The following HCN1 variants were observed in gnomAD, a reference collection of about 807,000 sequenced individuals.
HCN1 encodes the protein hyperpolarization activated cyclic nucleotide gated potassium channel 1.
HCN1 carries 13 observed loss-of-function variants against 78.9 expected under a neutral mutation model. The observed-to-expected ratio is 0.16, with a 90% CI of 0.11 to 0.26. The LOEUF (loss-of-function observed/expected upper bound fraction) is 0.26, where lower values mean the gene tolerates loss of function less well. Ranked by LOEUF, HCN1 falls within the 10% of genes least tolerant of loss-of-function variation. The probability of loss-of-function intolerance (pLI) is 1.00; values close to 1 mark genes in which losing one functional copy is unlikely to be tolerated. For synonymous variants in HCN1, 552 were observed against 455.5 expected (o/e 1.21, Z -2.70); for missense variants, 810 against 1,154.3 (o/e 0.70, Z 4.32).
intron 3 of HCN1, among the ~76,000 whole-genome samples, chr5:45,435,820 A>G (rs904318935): frequency 2.0e-5 from 3 of 152,196 alleles, no homozygotes; most frequent in Non-Finnish European, 4.4e-5. Flanking sequence ...TAAACTCACA[A>G]AAACACCACA....
chr5:45,262,007 G>C lies in HCN1; in HGVS notation c.2587C>G (p.Pro863Ala). ...NRGVPPAPPPPAAALPRESSS... is the reference protein window; with the variant it reads ...NRGVPPAPPPAAAALPRESSS... Reference sequence around the variant, plus strand: ...GATTCTCTTGGAAGAGCAGCTGCTGGTGGAGGGGGTGCTGGAGGGACTCCT... The same window carrying C: ...GATTCTCTTGGAAGAGCAGCTGCTGCTGGAGGGGGTGCTGGAGGGACTCCT... Residue 863 changes from proline (P) to alanine (A), a missense_variant, in exon 8 of 8, where the codon CCA (proline) becomes GCA (alanine). Physicochemically the swap from Pro to Ala is conservative, Grantham distance 27. This residue lies in a region of HCN1 where 398 missense variants were observed against 381.3 expected (regional missense o/e 1.04). Transcript: ENST00000303230. 6.2e-7 allele frequency: 1 copy of C among 1,614,150 alleles called. No homozygotes were observed. The highest frequency in any genetic ancestry group is 8.5e-7 in the Non-Finnish European group (1 of 1,180,036).
chr5:45,633,469 T>C (rs1469686073), intron 2 of HCN1, among the ~76,000 whole-genome samples: 1 of 151,966 alleles, frequency 6.6e-6, no homozygotes, highest in Non-Finnish European at 1.5e-5. Context: ...AGTGGAGGTC[T>C]TTCCAGTGGA....
intron 3 of HCN1, among the ~76,000 whole-genome samples, chr5:45,415,720 G>C (rs550476523): frequency 5.9e-5 from 9 of 152,084 alleles, no homozygotes; most frequent in African/African-American, 2.2e-4. Flanking sequence ...AATGGCCACA[G>C]CACTTGTGCT....
intron 2 of HCN1, chr5:45,559,671 T>C (rs1251439802): frequency 1.3e-5 from 2 of 152,222 alleles, no homozygotes; most frequent in Non-Finnish European, 2.9e-5. Context: ...GTGAAGATGC[T>C]GTGAACATTG....
chr5:45,692,058 CTT>C (rs1277339942), intron 1 of HCN1, among the ~76,000 whole-genome samples: 1 of 152,178 alleles, frequency 6.6e-6, no homozygotes, highest in Non-Finnish European at 1.5e-5. Flanking sequence ...AAGGAGCATT[CTT>C]TTTAAAAGTC....
At chr5:45,625,847 G>C (rs888228488) in intron 2 of HCN1, among the ~76,000 whole-genome samples, 1 of 151,792 alleles carries the variant, frequency 6.6e-6, no homozygotes, top group African/African-American at 2.4e-5. Flanking sequence ...TGTCTTATTA[G>C]GACACTATTT....
intron 3 of HCN1, among the ~76,000 whole-genome samples, chr5:45,411,458 GA>G: frequency 6.6e-6 from 1 of 150,754 alleles, no homozygotes; most frequent in South Asian, 2.1e-4. Context: ...CTAAAATCAG[GA>G]AAAAAATGCA....
At chr5:45,476,803 A>T (rs1343851515) in intron 2 of HCN1, among the ~76,000 whole-genome samples, 1 of 152,180 alleles carries the variant, frequency 6.6e-6, no homozygotes, top group Non-Finnish European at 1.5e-5. Flanking sequence ...ATGATGCCAC[A>T]AGTGAAAAAT....
chr5:45,692,219 T>C (rs1739928207), intron 1 of HCN1, among the ~76,000 whole-genome samples: 1 of 152,188 alleles, frequency 6.6e-6, no homozygotes, highest in African/African-American at 2.4e-5. Context: ...ATTTAAATGA[T>C]TATATCATAA....
At chr5:45,282,091 T>C (rs1344060642) in intron 6 of HCN1, among the ~76,000 whole-genome samples, 1 of 152,148 alleles carries the variant, frequency 6.6e-6, no homozygotes, top group Non-Finnish European at 1.5e-5. Context: ...CTATCAAATA[T>C]CATTAATAAA....
intron 3 of HCN1, among the ~76,000 whole-genome samples, chr5:45,457,232 T>C (rs908731995): frequency 1.3e-5 from 2 of 152,046 alleles, no homozygotes; most frequent in Non-Finnish European, 2.9e-5. Flanking sequence ...AGTTCAAAAT[T>C]AATACGCAAG....
chr5:45,348,474 C>G (rs1481773065), intron 5 of HCN1, among the ~76,000 whole-genome samples: 4 of 152,150 alleles, frequency 2.6e-5, no homozygotes, highest in African/African-American at 4.8e-5. Flanking sequence ...AGCAAAATAA[C>G]CAGCTAACAT....
At chr5:45,671,899 T>G (rs545385652) in intron 1 of HCN1, among the ~76,000 whole-genome samples, 1 of 151,686 alleles carries the variant, frequency 6.6e-6, no homozygotes, top group Admixed American at 6.6e-5. Context: ...TTGCAGATAA[T>G]AGGGTTTCTT....
Position 45,319,024 on chromosome 5 carries a change from G to T in HCN1, c.1378-15185C>A, listed in dbSNP as rs185013340. ...TTGCTAAGTGTTGTAAGTGGGAGTT[G>T]ATTCTTTTTAAATTTCAGGCTATAT... On this transcript the variant is annotated intron_variant, in intron 5 of 7. Transcript: ENST00000303230. Among the ~76,000 whole-genome samples the T allele has an allele frequency of 1.5e-4, 23 of 151,970 alleles. 1 individual carries two copies. The East Asian group carries it at 4.3e-3, about 28-fold the overall frequency.
intron 2 of HCN1, among the ~76,000 whole-genome samples, chr5:45,498,270 A>G (rs1377353246): frequency 6.6e-6 from 1 of 152,128 alleles, no homozygotes; most frequent in African/African-American, 2.4e-5. Flanking sequence ...TATTTCTTGG[A>G]GGCTTTGCTC....
chr5:45,498,653 G>T (rs1375586440), intron 2 of HCN1, among the ~76,000 whole-genome samples: 2 of 152,200 alleles, frequency 1.3e-5, no homozygotes, highest in Non-Finnish European at 1.5e-5. Context: ...TGGAGGAGGA[G>T]AGGTGCTCTG....
chr5:45,413,434 G>T (rs1740062069), intron 3 of HCN1, among the ~76,000 whole-genome samples: 1 of 152,022 alleles, frequency 6.6e-6, no homozygotes. Context: ...TAGCAATACG[G>T]TTATTATTAG....
rs528154670 is a variant in HCN1, at chr5:45,643,180, C to T, written c.849+2005G>A. 4 of 152,106 alleles carry T rather than the reference C, an allele frequency of 2.6e-5. No individual in the cohort carries two copies. In the East Asian group the frequency reaches 7.7e-4, roughly 29 times the overall value. 9.4% of individuals were successfully genotyped at this position (152,106 alleles called of 1,614,324 possible). ...CAGATCTAGGTGCCTGTAATTACTG[C>T]CAGAAGCCAAAGGACATTGGTGGTA... is the stretch of plus-strand genomic sequence containing the variant. On this transcript the variant is annotated intron_variant, in intron 2 of 7. Transcript: ENST00000303230.
chr5:45,457,888 C>T (rs1156320523), intron 3 of HCN1, among the ~76,000 whole-genome samples: 1 of 152,142 alleles, frequency 6.6e-6, no homozygotes, highest in Non-Finnish European at 1.5e-5. Flanking sequence ...GTAATCACCT[C>T]TTACTAGACT....
Sources: allele counts gnomAD v4.1 joint callset (sites outside exome capture counted in the v4.1 genomes callset), GRCh38; gene constraint gnomAD v4.1.1; regional missense constraint gnomAD v4.1.1; transcripts MANE v1.5; gene names NCBI Gene and HGNC (gene_info 2026-07-23, HGNC 2026-07-21).